C1GALT1: variants seen among roughly 807,000 people sequenced by gnomAD.
The protein encoded by C1GALT1 is glycoprotein-N-acetylgalactosamine 3-beta-galactosyltransferase 1.
In C1GALT1, 11 loss-of-function variants were observed where a neutral mutation model predicts 31.0. The observed-to-expected ratio is 0.36, with a 90% CI of 0.22 to 0.59. C1GALT1 has a LOEUF of 0.59. Among genes scored for constraint, C1GALT1 ranks in the 20% least tolerant of loss-of-function variants. C1GALT1 has a pLI of 0.79. For missense variants in C1GALT1, 424 were observed against 425.2 expected, an observed-to-expected ratio of 1.00 and a Z score of 0.03; for synonymous variants, 175 against 143.6, an observed-to-expected ratio of 1.22 and a Z score of -1.56.
intron 1 of C1GALT1, among the ~76,000 whole-genome samples, chr7:7,232,459 G>C (rs1783122843): frequency 6.6e-6 from 1 of 150,390 alleles, no homozygotes; most frequent in Non-Finnish European, 1.5e-5. Flanking sequence ...TGAAGAGTTT[G>C]AGAAATGTAA....
At chr7:7,164,208 C>T (rs190283110) in intron 2 of C1GALT1, among the ~76,000 whole-genome samples, 3 of 152,130 alleles carry the variant, frequency 2.0e-5, no homozygotes, top group African/African-American at 7.2e-5. Context: ...GAAAAACAAG[C>T]AATGGGGAAA....
chr7:7,195,915 G>C (rs1403930891), intron 1 of C1GALT1, among the ~76,000 whole-genome samples: 2 of 152,086 alleles, frequency 1.3e-5, no homozygotes, highest in African/African-American at 4.8e-5. Context: ...CTTTTGTCAT[G>C]ATATAATGTC....
At chr7:7,161,459 C>A (rs1405116757) in intron 2 of C1GALT1, among the ~76,000 whole-genome samples, 1 of 152,080 alleles carries the variant, frequency 6.6e-6, no homozygotes, top group African/African-American at 2.4e-5. Context: ...AAATGAAGTA[C>A]TTGTTAAAAA....
chr7:7,186,235 C>T (rs929168780), intron 1 of C1GALT1, among the ~76,000 whole-genome samples: 1 of 152,148 alleles, frequency 6.6e-6, no homozygotes, highest in East Asian at 1.9e-4. Flanking sequence ...ACCCAGTCAC[C>T]ATTTAAAGAC....
At chr7:7,200,178 C>T (rs1039443479) in intron 1 of C1GALT1, among the ~76,000 whole-genome samples, 36 of 152,252 alleles carry the variant, frequency 2.4e-4, no homozygotes, top group Admixed American at 8.5e-4. Flanking sequence ...GTGGCTGGTA[C>T]GGGTTGTTCC....
At chr7:7,232,938 A>C (rs1415560326) in intron 1 of C1GALT1, among the ~76,000 whole-genome samples, 1 of 152,230 alleles carries the variant, frequency 6.6e-6, no homozygotes, top group African/African-American at 2.4e-5. Flanking sequence ...AGAATGAAAA[A>C]GGACATTGAA....
Position 7,244,365 on chromosome 7 carries a change from T to TA in C1GALT1, c.*639dup, listed in dbSNP as rs1783761465. ...CTTTAAAATTATCATGGGCCTTGAC[T>TA]ATATTATATACTTGATTCTAATTAG... On this transcript the variant is annotated 3_prime_UTR_variant, in exon 4 of 4. Coordinates refer to ENST00000436587, the MANE Select transcript of C1GALT1 (RefSeq NM_020156.5). The TA allele has an allele frequency of 6.6e-6, 1 of 152,160 alleles. No individual in the cohort carries two copies. Among genetic ancestry groups the TA allele is most frequent in the Non-Finnish European group, 1.5e-5 (1 of 67,992 alleles). The allele number at this position is 152,160 out of a possible 1,614,324, so 9.4% of individuals were successfully genotyped here. A position where few individuals can be genotyped will look rare whatever the true frequency, so the allele number is the denominator to read the frequency against.
At chr7:7,236,951 GA>G in intron 2 of C1GALT1, among the ~76,000 whole-genome samples, 1 of 152,230 alleles carries the variant, frequency 6.6e-6, no homozygotes, top group African/African-American at 2.4e-5. Context: ...CTTGCTGTTT[GA>G]CCTTAATTTT....
At chr7:7,204,002 T>C (rs1384080067) in intron 1 of C1GALT1, among the ~76,000 whole-genome samples, 1 of 152,062 alleles carries the variant, frequency 6.6e-6, no homozygotes, top group Non-Finnish European at 1.5e-5. Context: ...CTATCCTTTG[T>C]TGGTTTGTGG....
intron 2 of C1GALT1, among the ~76,000 whole-genome samples, chr7:7,175,985 C>T (rs1393980119): frequency 6.6e-6 from 1 of 152,148 alleles, no homozygotes. Flanking sequence ...GGTTGGGGGG[C>T]TTTCCAAACA....
At chr7:7,203,010 A>G (rs1344430389) in intron 1 of C1GALT1, among the ~76,000 whole-genome samples, 1 of 149,958 alleles carries the variant, frequency 6.7e-6, no homozygotes, top group Non-Finnish European at 1.5e-5. Context: ...GAAGTGTTCT[A>G]GTTAGTGCGT....
At chr7:7,226,926 ATGTATATGTGTATAT>A (rs1353992357) in intron 1 of C1GALT1, among the ~76,000 whole-genome samples, 1 of 152,174 alleles carries the variant, frequency 6.6e-6, no homozygotes, top group Admixed American at 6.5e-5. Context: ...GTGTGTGTGT[ATGTATATGTGTATAT>A]ATATATTTGT....
chr7:7,238,743 T>A lies in C1GALT1; in HGVS notation c.709T>A (p.Ser237Thr). The A allele has an allele frequency of 1.2e-6, 2 of 1,613,878 alleles. No individual in the cohort carries two copies. The highest frequency in any genetic ancestry group is 1.7e-6 in the Non-Finnish European group (2 of 1,179,928). ...AACAGACAAGTGTACACATAGTTCC[T>A]CCATTGAAGACTTAGCACTGGGGAG... is the stretch of plus-strand genomic sequence containing the variant. ...FKTDKCTHSS[S>T]IEDLALGRCM... The change falls in exon 3 of 4, where the codon TCC (serine) becomes ACC (threonine). Residue 237 changes from serine (S) to threonine (T), a missense_variant. Physicochemically the swap from Ser to Thr is moderately conservative, Grantham distance 58. Coordinates refer to ENST00000436587, the MANE Select transcript of C1GALT1 (RefSeq NM_020156.5). The surrounding 1 kb of genome is among the most constrained non-coding windows in gnomAD (Gnocchi z 5.2).
At position 7,238,280 on chromosome 7, in the gene C1GALT1, C is replaced by T. The variant is rs757888910; in HGVS notation, c.246C>T (p.Asn82=). ...ATGAGAACACAGACATTGCTGAAAA[C>T]CTCTATCAGAAAGTTAGAATTCTTT... ...HKDENTDIAE[N]LYQKVRILCW... is the part of the protein sequence containing the mutation. Residue 82 remains asparagine (N), a synonymous_variant, in exon 3 of 4, where the codon AAC becomes AAT. Coordinates refer to ENST00000436587, the MANE Select transcript of C1GALT1 (RefSeq NM_020156.5). This position sits in a 1 kb window ranked among gnomAD's most constrained non-coding sequence, Gnocchi z 5.2. 6.2e-7 allele frequency: 1 copy of T among 1,605,844 alleles called. No homozygotes were observed. Among genetic ancestry groups the T allele is most frequent in the Non-Finnish European group, 8.5e-7 (1 of 1,177,764 alleles).
chr7:7,207,948 T>C (rs1781824903), intron 1 of C1GALT1, among the ~76,000 whole-genome samples: 1 of 152,202 alleles, frequency 6.6e-6, no homozygotes, highest in Non-Finnish European at 1.5e-5. Context: ...GAAGTTTCAG[T>C]TATGGTCAAC....
chr7:7,223,015 T>A, intron 1 of C1GALT1, among the ~76,000 whole-genome samples: 1 of 152,186 alleles, frequency 6.6e-6, no homozygotes, highest in Non-Finnish European at 1.5e-5. Flanking sequence ...TACAAGCACA[T>A]TCTCTCCTAT....
chr7:7,189,474 AAAT>A (rs1780962645), intron 1 of C1GALT1, among the ~76,000 whole-genome samples: 1 of 151,454 alleles, frequency 6.6e-6, no homozygotes, highest in African/African-American at 2.4e-5. Context: ...GTTAGGTTAA[AAAT>A]AATATCTCTT....
At chr7:7,225,847 A>G (rs770147749) in intron 1 of C1GALT1, among the ~76,000 whole-genome samples, 4 of 152,178 alleles carry the variant, frequency 2.6e-5, no homozygotes, top group Non-Finnish European at 5.9e-5. Context: ...TGATGACATA[A>G]CCTTTTAAGT....
intron 2 of C1GALT1, among the ~76,000 whole-genome samples, chr7:7,163,033 AG>A (rs1236745527): frequency 6.6e-6 from 1 of 152,132 alleles, no homozygotes; most frequent in African/African-American, 2.4e-5. Context: ...TCAGATGAGT[AG>A]GTTGTGAAAA....
Sources: gnomAD v4.1 joint callset for allele counts (sites outside exome capture counted in the v4.1 genomes callset) on GRCh38, gnomAD v4.1.1 for gene constraint, Gnocchi (gnomAD v3.1) non-coding constraint, MANE v1.5 for transcripts, NCBI Gene and HGNC (gene_info 2026-07-23, HGNC 2026-07-21) for gene names.